Variants in WDR26 observed in about 807,000 individuals in gnomAD.
WDR26 encodes WD repeat-containing protein 26.
A neutral mutation model predicts 84.1 loss-of-function variants in WDR26; 5 were observed. That is an observed-to-expected ratio of 0.06 (90% CI 0.03 to 0.13). The LOEUF is 0.13. WDR26 is among the 10% of genes least tolerant of loss of function. WDR26 has a pLI of 1.00. For missense variants in WDR26, 642 were observed against 974.9 expected (o/e 0.66, Z 4.55); for synonymous variants, 415 against 389.6 (o/e 1.07, Z -0.77).
In WDR26 at chr1:224,420,581, TTTC is replaced by T. The variant is rs370258825; in HGVS notation, c.1065-969_1065-967del. ...AACATGAGTATCATCACTCCCTCCC[TTTC>T]TTAACTGCATAAAGCATATTTCATT... On this transcript the variant is annotated intron_variant, in intron 4 of 13. Coordinates refer to ENST00000414423, the MANE Select transcript of WDR26 (RefSeq NM_001379403.1). 1.4e-4 allele frequency among the ~76,000 whole-genome samples: 21 copies of T among 152,312 alleles called. No individual in the cohort carries two copies. In the East Asian group the frequency reaches 2.7e-3, roughly 20 times the overall value.
intron 6 of WDR26, chr1:224,413,205 AAAC>A: frequency 2.4e-6 from 2 of 821,250 alleles, no homozygotes; most frequent in Non-Finnish European, 3.1e-6. Flanking sequence ...ACAACAACAA[AAAC>A]CCCCCCCCCC....
Position 224,434,023 on chromosome 1 carries a change from T to C in WDR26, c.383A>G (p.Gln128Arg). ...CGACAAGCAGGCGAGTTCCGGGGTC[T>C]GTCCCTGGCCCCCGCCGCCCCCTCC... The change falls in exon 1 of 14, where the codon CAG (glutamine) becomes CGG (arginine). Residue 128 changes from glutamine to arginine, a missense_variant. Transcript: ENST00000414423. 1.3e-6 allele frequency: 2 copies of C among 1,490,072 alleles called. No individual in the cohort carries two copies. Among genetic ancestry groups the C allele is most frequent in the South Asian group, 1.3e-5 (1 of 77,002 alleles). 92.3% of individuals were successfully genotyped at this position (1,490,072 alleles called of 1,614,324 possible).
At chr1:224,415,681 T>G (rs2102910204) in intron 6 of WDR26, among the ~76,000 whole-genome samples, 1 of 152,258 alleles carries the variant, frequency 6.6e-6, no homozygotes, top group East Asian at 1.9e-4. Context: ...CAGGATGGTC[T>G]TGATCTCCCG....
chr1:224,420,924 T>C (rs1354051098), intron 4 of WDR26, among the ~76,000 whole-genome samples: 4 of 152,212 alleles, frequency 2.6e-5, no homozygotes, highest in Non-Finnish European at 5.9e-5. Context: ...GAATATTTTG[T>C]TTCTAAAACA....
chr1:224,419,129 G>C (rs930764325), intron 5 of WDR26, among the ~76,000 whole-genome samples: 1 of 152,096 alleles, frequency 6.6e-6, no homozygotes, highest in African/African-American at 2.4e-5. Context: ...AACATAACAT[G>C]GTTGGGGAAG....
In WDR26 at chr1:224,411,416, G is replaced by A. The variant is rs1216669936; in HGVS notation, c.1458+11C>T. 1.3e-6 allele frequency: 2 copies of A among 1,597,910 alleles called. No homozygotes were observed. Among genetic ancestry groups the A allele is most frequent in the African/African-American group, 1.3e-5 (1 of 74,234 alleles). The stretch of plus-strand genomic sequence containing the variant: ...CTTTTGTAATATAAACACTCATATT[G>A]GGGTACATACCGGATCAACTTGCCA... On this transcript the variant is annotated intron_variant, in intron 7 of 13. Transcript: ENST00000414423.
At chr1:224,392,369 A>G (rs1218234169) in intron 13 of WDR26, among the ~76,000 whole-genome samples, 3 of 151,940 alleles carry the variant, frequency 2.0e-5, no homozygotes, top group African/African-American at 7.2e-5. Context: ...AAAAAAAAAG[A>G]AAAGAAAACA....
intron 7 of WDR26, among the ~76,000 whole-genome samples, chr1:224,408,081 C>CG (rs1673632658): frequency 2.0e-5 from 3 of 152,154 alleles, no homozygotes; most frequent in Non-Finnish European, 2.9e-5. Context: ...GAAACACTGG[C>CG]ATAAGAGTCT....
intron 7 of WDR26, among the ~76,000 whole-genome samples, chr1:224,405,824 G>C (rs1400774176): frequency 6.6e-6 from 1 of 152,150 alleles, no homozygotes; most frequent in Non-Finnish European, 1.5e-5. Flanking sequence ...TAGGCTAAGG[G>C]GTTACATTTT....
At chr1:224,401,671 C>CAAAAAAAAAAAAA (rs767368281) in intron 8 of WDR26, among the ~76,000 whole-genome samples, 38 of 49,612 alleles carry the variant, frequency 7.7e-4, no homozygotes, top group African/African-American at 1.4e-3. Flanking sequence ...GAGACTGTCT[C>CAAAAAAAAAAAAA]AAAAAAAAAA....
At chr1:224,407,647 T>A (rs1352612026) in intron 7 of WDR26, among the ~76,000 whole-genome samples, 1 of 151,756 alleles carries the variant, frequency 6.6e-6, no homozygotes, top group Non-Finnish European at 1.5e-5. Flanking sequence ...TAGCTGGGAC[T>A]ACAGGCACGC....
chr1:224,400,632 G>A (rs1019094839), intron 9 of WDR26, among the ~76,000 whole-genome samples: 1 of 152,070 alleles, frequency 6.6e-6, no homozygotes, highest in Non-Finnish European at 1.5e-5. Context: ...TGCAATCTCC[G>A]CCTCCTGAGT....
At chr1:224,405,778 C>T (rs983981142) in intron 7 of WDR26, among the ~76,000 whole-genome samples, 1 of 152,126 alleles carries the variant, frequency 6.6e-6, no homozygotes, top group African/African-American at 2.4e-5. Context: ...GTAGACGTGG[C>T]AAGTGACAAG....
chr1:224,393,902 A>G lies in WDR26; in HGVS notation c.2186T>C (p.Met729Thr), dbSNP rs539298524. The change falls in exon 13 of 14, where the codon ATG becomes ACG. Residue 729 changes from methionine (M) to threonine (T), a missense_variant. This residue lies in a region of WDR26 where 351 missense variants were observed against 672.8 expected (regional missense o/e 0.52). Coordinates refer to ENST00000414423, the MANE Select transcript of WDR26 (RefSeq NM_001379403.1). Reference sequence around the variant, plus strand: ...AGTGCCATCATCTGAGGCGCTGGCCATCATGGATGGAATCTGTGGGTTCCA... The same window carrying G: ...AGTGCCATCATCTGAGGCGCTGGCCGTCATGGATGGAATCTGTGGGTTCCA... 7 of 1,594,652 alleles carry G rather than the reference A, an allele frequency of 4.4e-6. No individual in the cohort carries two copies. The highest frequency in any genetic ancestry group is 6.0e-6 in the Non-Finnish European group (7 of 1,164,602).
chr1:224,401,690 G>GAAAAAAAA (rs67543360), intron 8 of WDR26, among the ~76,000 whole-genome samples: 2 of 84,046 alleles, frequency 2.4e-5, no homozygotes, highest in African/African-American at 4.4e-5. Flanking sequence ...AAAAAAAAAA[G>GAAAAAAAA]AAAAAAAAAA....
rs1483896283 is a variant in WDR26, at chr1:224,420,450, A to G, written c.1065-835T>C. Among the ~76,000 whole-genome samples, 4 of 152,210 alleles carry G rather than the reference A, an allele frequency of 2.6e-5. No individual in the cohort carries two copies. The South Asian group carries it at 6.2e-4, about 24-fold the overall frequency. On this transcript the variant is annotated intron_variant, in intron 4 of 13. Transcript: ENST00000414423. ...ATTCTGTCTCATGCTCTGCCAGACA[A>G]ATCTGTTTCTCTCACTTGTAAAAAG...
intron 4 of WDR26, among the ~76,000 whole-genome samples, chr1:224,420,323 G>GAC (rs1326052741): frequency 6.6e-6 from 1 of 152,160 alleles, no homozygotes; most frequent in African/African-American, 2.4e-5. Flanking sequence ...GTGTGACCCT[G>GAC]ACCTGGTTTT....
intron 8 of WDR26, among the ~76,000 whole-genome samples, chr1:224,401,671 C>CAAAAAA (rs767368281): frequency 9.6e-3 from 471 of 49,038 alleles, no homozygotes; most frequent in Middle Eastern, 0.018. Flanking sequence ...GAGACTGTCT[C>CAAAAAA]AAAAAAAAAA....
intron 5 of WDR26, among the ~76,000 whole-genome samples, chr1:224,418,639 T>C (rs1673973669): frequency 1.3e-5 from 2 of 152,122 alleles, no homozygotes; most frequent in South Asian, 4.1e-4. Flanking sequence ...GGGGTTTACT[T>C]TATATGTGGA....
Sources: allele counts gnomAD v4.1 joint callset (sites outside exome capture counted in the v4.1 genomes callset), GRCh38; gene constraint gnomAD v4.1.1; regional missense constraint gnomAD v4.1.1; transcripts MANE v1.5; gene names NCBI Gene and HGNC (gene_info 2026-07-23, HGNC 2026-07-21).